The following UBXN7 variants were observed in gnomAD, a reference collection of about 807,000 sequenced individuals.
UBXN7 encodes the protein UBX domain protein 7, also known as UBX domain-containing protein 7.
UBXN7 carries 9 observed loss-of-function variants against 58.0 expected under a neutral mutation model. That is an observed-to-expected ratio of 0.16 (90% CI 0.09 to 0.27). The LOEUF is 0.27. Among genes scored for constraint, UBXN7 ranks in the 10% least tolerant of loss-of-function variants. UBXN7 has a pLI of 1.00. For missense variants in UBXN7, 328 were observed against 599.6 expected (o/e 0.55, Z 4.73); for synonymous variants, 208 against 205.0 (o/e 1.01, Z -0.12).
At chr3:196,399,600 C>T (rs1180166280) in intron 3 of UBXN7, among the ~76,000 whole-genome samples, 1 of 152,260 alleles carries the variant, frequency 6.6e-6, no homozygotes, top group Non-Finnish European at 1.5e-5. Context: ...CCATGCCTAA[C>T]GAATTTATTT....
intron 5 of UBXN7, among the ~76,000 whole-genome samples, chr3:196,391,211 A>C (rs190180764): frequency 8.5e-5 from 13 of 152,318 alleles, no homozygotes; most frequent in Admixed American, 7.8e-4. Context: ...TGAACAAGTG[A>C]GATATTTTAA....
intron 1 of UBXN7, among the ~76,000 whole-genome samples, chr3:196,415,853 T>G (rs977286787): frequency 6.6e-6 from 1 of 152,120 alleles, no homozygotes. Context: ...ATTAAAGGTT[T>G]CTTACAGGAA....
chr3:196,372,154 G>A, intron 5 of UBXN7, 112 bp from the exon 6 acceptor site: 1 of 1,204,946 alleles, frequency 8.3e-7, no homozygotes, highest in Non-Finnish European at 1.1e-6. Context: ...GTTTTTGCCA[G>A]ATACGACATC....
intron 4 of UBXN7, 48 bp from the exon 5 acceptor site, chr3:196,391,973 A>G: frequency 1.2e-6 from 1 of 808,198 alleles, no homozygotes. Flanking sequence ...ATCATGAATC[A>G]CACTGAAAAA....
At chr3:196,414,465 C>T (rs1018684829) in intron 1 of UBXN7, among the ~76,000 whole-genome samples, 3 of 152,170 alleles carry the variant, frequency 2.0e-5, no homozygotes, top group African/African-American at 7.2e-5. Context: ...AAGCTGCATA[C>T]AAGATTTGTT....
intron 1 of UBXN7, among the ~76,000 whole-genome samples, chr3:196,426,254 C>A (rs1021801877): frequency 6.6e-6 from 1 of 151,728 alleles, no homozygotes; most frequent in East Asian, 1.9e-4. Flanking sequence ...GGTGTCGTGA[C>A]GCGCATCTGT....
chr3:196,392,713 G>C (rs1402718903), intron 4 of UBXN7, among the ~76,000 whole-genome samples: 1 of 152,046 alleles, frequency 6.6e-6, no homozygotes, highest in Non-Finnish European at 1.5e-5. Flanking sequence ...TGAGGCAGGA[G>C]AATCGTTTGA....
At chr3:196,423,208 C>G (rs886909135) in intron 1 of UBXN7, 1 of 153,100 alleles carries the variant, frequency 6.5e-6, no homozygotes, top group Non-Finnish European at 1.5e-5. Flanking sequence ...GGCTGAGGCA[C>G]AGCTGCCCTG....
At chr3:196,375,395 T>C (rs1347422808) in intron 5 of UBXN7, among the ~76,000 whole-genome samples, 2 of 151,980 alleles carry the variant, frequency 1.3e-5, no homozygotes, top group African/African-American at 2.4e-5. Flanking sequence ...GACAGGAGGA[T>C]TGCTTAAGGC....
At chr3:196,397,970 T>C (rs1729827481) in intron 3 of UBXN7, among the ~76,000 whole-genome samples, 1 of 152,184 alleles carries the variant, frequency 6.6e-6, no homozygotes. Flanking sequence ...CAGCCCCCAA[T>C]TTTCCCTGTC....
At position 196,350,348 on chromosome 3, in the gene UBXN7, C is replaced by G. The variant is rs958138106; in HGVS notation, c.*6337G>C. On this transcript the variant is annotated 3_prime_UTR_variant, in exon 11 of 11. Transcript: ENST00000296328. ...GGGGTATCACAGAGCTAGCCATTCT[C>G]TATATGAAACCAGAGAATTCTCCTT... 1 of 152,066 alleles carries G rather than the reference C, an allele frequency of 6.6e-6. No homozygotes were observed. The highest frequency in any genetic ancestry group is 2.4e-5 in the African/African-American group (1 of 41,400). 9.4% of individuals were successfully genotyped at this position (152,066 alleles called of 1,614,324 possible).
At chr3:196,388,983 T>C (rs1025308044) in intron 5 of UBXN7, among the ~76,000 whole-genome samples, 2 of 151,844 alleles carry the variant, frequency 1.3e-5, no homozygotes, top group African/African-American at 4.8e-5. Flanking sequence ...AAAAAGGTGA[T>C]ATAACTTAAA....
chr3:196,420,827 ATT>A (rs1730659441), intron 1 of UBXN7, among the ~76,000 whole-genome samples: 1 of 152,146 alleles, frequency 6.6e-6, no homozygotes. Flanking sequence ...TCTAATGCAC[ATT>A]GTCTACACTA....
At chr3:196,406,783 G>A (rs1730177067) in intron 2 of UBXN7, among the ~76,000 whole-genome samples, 1 of 152,148 alleles carries the variant, frequency 6.6e-6, no homozygotes, top group African/African-American at 2.4e-5. Context: ...AAACATTTCT[G>A]TGACAATGTA....
Position 196,396,754 on chromosome 3 carries a change from C to A in UBXN7, c.290-3135G>T, listed in dbSNP as rs547464279. Among the ~76,000 whole-genome samples the A allele has an allele frequency of 2.0e-4, 31 of 151,942 alleles. 1 individual carries two copies. The highest frequency in any genetic ancestry group is 3.7e-4 in the Non-Finnish European group (25 of 67,992). On this transcript the variant is annotated intron_variant, in intron 3 of 10. Coordinates refer to ENST00000296328, the MANE Select transcript of UBXN7 (RefSeq NM_015562.2). ...CTCCAGCCTGGGCCACAGAGCGAGACTCCATCTCAAAAAAAATAAAAAATA... is the reference window on the plus strand; with the variant it reads ...CTCCAGCCTGGGCCACAGAGCGAGAATCCATCTCAAAAAAAATAAAAAATA...
intron 1 of UBXN7, among the ~76,000 whole-genome samples, chr3:196,417,369 C>T (rs936289250): frequency 2.6e-5 from 4 of 152,026 alleles, no homozygotes; most frequent in Admixed American, 6.6e-5. Context: ...TTTGCCTCCG[C>T]CCTGTCTTAT....
Position 196,361,734 on chromosome 3 carries a change from A to G in UBXN7, c.1308+110T>C, listed in dbSNP as rs1405296522. The G allele has an allele frequency of 6.6e-6, 6 of 908,486 alleles. No homozygotes were observed. The East Asian group carries it at 1.5e-4, about 23-fold the overall frequency. The allele number at this position is 908,486 out of a possible 1,614,324, so 56.3% of individuals were successfully genotyped here. A position where few individuals can be genotyped will look rare whatever the true frequency, so the allele number is the denominator to read the frequency against. On this transcript the variant is annotated intron_variant, in intron 10 of 10. Transcript: ENST00000296328. ...GACATAAAGCTACTGCACACTTAATAGACTATGGAATAATGTAAACATAAC... is the reference window on the plus strand; with the variant it reads ...GACATAAAGCTACTGCACACTTAATGGACTATGGAATAATGTAAACATAAC...
rs1321183579 is a variant in UBXN7, at chr3:196,350,740, C to T, written c.*5945G>A. The T allele has an allele frequency of 6.6e-6, 1 of 152,176 alleles. No individual in the cohort carries two copies. The highest frequency in any genetic ancestry group is 2.4e-5 in the African/African-American group (1 of 41,438). The allele number at this position is 152,176 out of a possible 1,614,324, so 9.4% of individuals were successfully genotyped here. On this transcript the variant is annotated 3_prime_UTR_variant, in exon 11 of 11. Transcript: ENST00000296328. ...TAACCATCACTGAAATACCAAATCT[C>T]TATGTAACAGGAGAAACCGATATAT...
chr3:196,414,314 AG>A (rs1300443960), intron 1 of UBXN7, among the ~76,000 whole-genome samples: 1 of 152,178 alleles, frequency 6.6e-6, no homozygotes, highest in African/African-American at 2.4e-5. Context: ...TTCAATACGC[AG>A]GCTAAATTCA....
Sources: allele counts gnomAD v4.1 joint callset (sites outside exome capture counted in the v4.1 genomes callset), GRCh38; gene constraint gnomAD v4.1.1; transcripts MANE v1.5; gene names NCBI Gene and HGNC (gene_info 2026-07-23, HGNC 2026-07-21).